The following FRMPD1 variants were observed in gnomAD, a reference collection of about 807,000 sequenced individuals.
FRMPD1 encodes FERM and PDZ domain-containing protein 1.
A neutral mutation model predicts 117.8 loss-of-function variants in FRMPD1; 76 were observed. The ratio of observed to expected loss-of-function variants is 0.65; its 90% confidence interval spans 0.54 to 0.78. The LOEUF is 0.78. FRMPD1 is among the 30% of genes least tolerant of loss of function. The probability of loss-of-function intolerance (pLI) is 0.00; values close to 1 mark genes in which losing one functional copy is unlikely to be tolerated. For synonymous variants in FRMPD1, 783 were observed against 770.4 expected (o/e 1.02, Z -0.27); for missense variants, 1,786 against 1,964.5 (o/e 0.91, Z 1.72).
chr9:37,609,248 C>G, the FRMPD1 span, among the ~76,000 whole-genome samples: 735 of 151,728 alleles, frequency 4.8e-3, 2 homozygotes, highest in Non-Finnish European at 8.4e-3. Flanking sequence ...ACCCAGATCA[C>G]GCCATTGCAC....
the FRMPD1 span, among the ~76,000 whole-genome samples, chr9:37,632,706 G>C: frequency 6.6e-6 from 1 of 152,028 alleles, no homozygotes; most frequent in African/African-American, 2.4e-5. Flanking sequence ...TGCCATCCTT[G>C]AACCAATCAT....
chr9:37,728,095 C>T (rs1222936630), intron 7 of FRMPD1: 1 of 152,164 alleles, frequency 6.6e-6, no homozygotes, highest in Non-Finnish European at 1.5e-5. Flanking sequence ...GAATACTTAC[C>T]ATCTGCCAGG....
chr9:37,643,546 G>T, the FRMPD1 span, among the ~76,000 whole-genome samples: 4 of 151,860 alleles, frequency 2.6e-5, no homozygotes, highest in African/African-American at 9.7e-5. Flanking sequence ...TCCTCATTTT[G>T]ATCATTTCTT....
chr9:37,726,919 T>A (rs914367949), intron 7 of FRMPD1, among the ~76,000 whole-genome samples: 6 of 152,002 alleles, frequency 3.9e-5, no homozygotes, highest in African/African-American at 1.5e-4. Flanking sequence ...AATAAAGGCC[T>A]CTGGGGGAGT....
At chr9:37,648,133 G>A (rs1820548060), upstream of FRMPD1, among the ~76,000 whole-genome samples, 1 of 150,440 alleles carries the variant, frequency 6.6e-6, no homozygotes. Context: ...CTCCTAGGTG[G>A]TAGGTATTCT....
the FRMPD1 span, among the ~76,000 whole-genome samples, chr9:37,620,467 C>A: frequency 6.6e-6 from 1 of 151,672 alleles, no homozygotes; most frequent in African/African-American, 2.4e-5. Flanking sequence ...AGTCCAGCAC[C>A]GGGCATAGAG....
chr9:37,640,118 C>T, the FRMPD1 span, among the ~76,000 whole-genome samples: 1 of 152,158 alleles, frequency 6.6e-6, no homozygotes, highest in East Asian at 1.9e-4. Flanking sequence ...CTGTTTTCCT[C>T]AGCTGTGAAA....
chr9:37,746,750 G>GTTT lies in FRMPD1; in HGVS notation c.4718_4719insTTT (p.Arg1573_Ala1574insLeu). On this transcript the variant is annotated inframe_insertion, in exon 16 of 16. Coordinates refer to ENST00000377765, the MANE Select transcript of FRMPD1 (RefSeq NM_014907.3). Reference sequence around the variant, plus strand: ...GTGTTCTGTTTGACCCAGAAGTTCCGGGCATCCACGGCCCTGTAAACAGGT... The same window carrying GTTT: ...GTGTTCTGTTTGACCCAGAAGTTCCGTTTGGCATCCACGGCCCTGTAAACAGGT... 1 of 1,613,840 alleles carries GTTT rather than the reference G, an allele frequency of 6.2e-7. No homozygotes were observed. The highest frequency in any genetic ancestry group is 1.1e-5 in the South Asian group (1 of 91,082).
chr9:37,694,387 C>G (rs1822249207), intron 2 of FRMPD1, among the ~76,000 whole-genome samples: 1 of 152,218 alleles, frequency 6.6e-6, no homozygotes, highest in Non-Finnish European at 1.5e-5. Flanking sequence ...CCTTGGAACC[C>G]TCTTAACATC....
rs578156007 is a variant in FRMPD1 at position 37,723,965 on chromosome 9, C to T, written c.517-260C>T. The stretch of plus-strand genomic sequence containing the variant: ...AGTGAGCCAAGATTGCACCACTGCA[C>T]TCCAGCCTGGGTGACAGAGTGAGAC... On this transcript the variant is annotated intron_variant, in intron 6 of 15. Coordinates refer to ENST00000377765, the MANE Select transcript of FRMPD1 (RefSeq NM_014907.3). Among the ~76,000 whole-genome samples the T allele has an allele frequency of 1.1e-4, 17 of 151,920 alleles. No individual in the cohort carries two copies. In the South Asian group the frequency reaches 3.3e-3, roughly 30 times the overall value.
rs774561000 is a variant in FRMPD1, at chr9:37,745,691, C to A, written c.3659C>A (p.Ala1220Asp). ...FFLGKQTVSP[A>D]VPPEGIKAEA... ...CTTGGGAAGCAGACAGTTTCACCAGCCGTCCCTCCAGAGGGGATCAAGGCA... is the reference window on the plus strand; with the variant it reads ...CTTGGGAAGCAGACAGTTTCACCAGACGTCCCTCCAGAGGGGATCAAGGCA... Residue 1220 changes from alanine (A) to aspartate (D), a missense_variant, in exon 16 of 16, where the codon GCC (alanine) becomes GAC (aspartate). By Grantham distance (126) the Ala-to-Asp change is moderately radical (BLOSUM62 -2). Transcript: ENST00000377765. 1.2e-6 allele frequency: 2 copies of A among 1,614,032 alleles called. No individual in the cohort carries two copies. The highest frequency in any genetic ancestry group is 3.3e-5 in the Admixed American group (2 of 60,032).
the FRMPD1 span, among the ~76,000 whole-genome samples, chr9:37,609,740 C>CCTTG: frequency 3.9e-5 from 6 of 151,944 alleles, no homozygotes; most frequent in African/African-American, 1.5e-4. Context: ...AAATCAAAGC[C>CCTTG]CTTACAATGG....
At chr9:37,633,174 G>A in the FRMPD1 span, among the ~76,000 whole-genome samples, 17 of 149,312 alleles carry the variant, frequency 1.1e-4, no homozygotes, top group East Asian at 3.3e-3. Flanking sequence ...CAAGTAGCTG[G>A]GATTACAGGC....
intron 6 of FRMPD1, among the ~76,000 whole-genome samples, chr9:37,723,651 G>T (rs1823492399): frequency 2.6e-5 from 4 of 152,102 alleles, no homozygotes; most frequent in Admixed American, 2.6e-4. Context: ...TGAGGCCAGG[G>T]GTTCGAGACC....
the FRMPD1 span, among the ~76,000 whole-genome samples, chr9:37,610,965 C>T: frequency 6.6e-6 from 1 of 152,146 alleles, no homozygotes; most frequent in South Asian, 2.1e-4. Flanking sequence ...ATGTATTTAA[C>T]CAGTCCCCTA....
intron 2 of FRMPD1, among the ~76,000 whole-genome samples, chr9:37,699,765 A>C (rs1045005755): frequency 2.0e-5 from 3 of 152,138 alleles, no homozygotes; most frequent in Non-Finnish European, 4.4e-5. Flanking sequence ...ATTTCTTTTA[A>C]CTTGTCTTGA....
chr9:37,658,290 A>G (rs931850533), intron 1 of FRMPD1, among the ~76,000 whole-genome samples: 2 of 151,912 alleles, frequency 1.3e-5, no homozygotes, highest in Non-Finnish European at 2.9e-5. Context: ...CCCCCTTCTG[A>G]GCTGTGCACT....
At chr9:37,697,247 C>T (rs546569252) in intron 2 of FRMPD1, among the ~76,000 whole-genome samples, 7 of 152,250 alleles carry the variant, frequency 4.6e-5, no homozygotes, top group African/African-American at 1.4e-4. Context: ...CCTCTGTTAC[C>T]ACTCGATTTC....
At chr9:37,711,473 T>G in intron 5 of FRMPD1, 78 bp downstream of exon 5, 1 of 1,106,016 alleles carries the variant, frequency 9.0e-7, no homozygotes, top group Non-Finnish European at 1.4e-6. Flanking sequence ...AGGATATCCC[T>G]CATAAAGTAA....
Sources: gnomAD v4.1 joint callset for allele counts (sites outside exome capture counted in the v4.1 genomes callset) on GRCh38, gnomAD v4.1.1 for gene constraint, MANE v1.5 for transcripts, NCBI Gene and HGNC (gene_info 2026-07-23, HGNC 2026-07-21) for gene names.